ERC2: variants seen among roughly 807,000 people sequenced by gnomAD.
ERC2 encodes ERC protein 2.
A neutral mutation model predicts 114.8 loss-of-function variants in ERC2; 42 were observed. That is an observed-to-expected ratio of 0.37 (90% CI 0.29 to 0.47). The LOEUF is 0.47. Among genes scored for constraint, ERC2 ranks in the 20% least tolerant of loss-of-function variants. The probability of loss-of-function intolerance (pLI) is 0.99; values close to 1 mark genes in which losing one functional copy is unlikely to be tolerated. For missense variants in ERC2, 939 were observed against 1,150.7 expected, an observed-to-expected ratio of 0.82 and a Z score of 2.66; for synonymous variants, 454 against 425.5, an observed-to-expected ratio of 1.07 and a Z score of -0.82.
At chr3:55,946,784 A>C (rs1363171954) in intron 13 of ERC2, among the ~76,000 whole-genome samples, 5 of 152,220 alleles carry the variant, frequency 3.3e-5, no homozygotes, top group African/African-American at 1.2e-4. Flanking sequence ...GCTCCAAAAA[A>C]AATGATTTGA....
intron 3 of ERC2, among the ~76,000 whole-genome samples, chr3:56,217,088 G>C (rs1210399316): frequency 3.9e-5 from 6 of 152,178 alleles, no homozygotes; most frequent in Non-Finnish European, 5.9e-5. Flanking sequence ...GCACAAGACA[G>C]GGATGCCCTC....
At chr3:55,521,234 C>A (rs570967515) in intron 17 of ERC2, among the ~76,000 whole-genome samples, 2 of 152,178 alleles carry the variant, frequency 1.3e-5, no homozygotes, top group African/African-American at 4.8e-5. Flanking sequence ...TGGGTCCAGG[C>A]GAGACCTCCC....
intron 14 of ERC2, among the ~76,000 whole-genome samples, chr3:55,880,790 C>CAAA: frequency 8.0e-6 from 1 of 124,452 alleles, no homozygotes; most frequent in African/African-American, 2.8e-5. Flanking sequence ...AGTATTATAG[C>CAAA]AAAAAAAAAA....
At chr3:55,841,789 C>T (rs1575803049) in intron 14 of ERC2, among the ~76,000 whole-genome samples, 1 of 152,214 alleles carries the variant, frequency 6.6e-6, no homozygotes, top group Non-Finnish European at 1.5e-5. Context: ...TTAACAAAAA[C>T]ACCATGAGGA....
At chr3:55,698,732 C>A (rs964869192) in intron 16 of ERC2, among the ~76,000 whole-genome samples, 12 of 152,156 alleles carry the variant, frequency 7.9e-5, no homozygotes, top group Non-Finnish European at 1.3e-4. Context: ...CCATAAAATT[C>A]ACCTTCAAGA....
chr3:55,901,712 G>T (rs549654892), intron 13 of ERC2, among the ~76,000 whole-genome samples: 1 of 152,138 alleles, frequency 6.6e-6, no homozygotes, highest in Non-Finnish European at 1.5e-5. Context: ...GCTTAATCAC[G>T]TGAGTGACAT....
chr3:55,613,609 G>A (rs913474627), intron 17 of ERC2, among the ~76,000 whole-genome samples: 1 of 152,134 alleles, frequency 6.6e-6, no homozygotes, highest in African/African-American at 2.4e-5. Flanking sequence ...GGATTCTTAT[G>A]CCTTGCTTTT....
chr3:56,092,784 C>T (rs1019903781), intron 6 of ERC2, among the ~76,000 whole-genome samples: 27 of 152,120 alleles, frequency 1.8e-4, no homozygotes, highest in Admixed American at 3.3e-4. Context: ...TTTGCTATTA[C>T]GGAAAAAAAC....
chr3:56,148,450 T>C (rs779496579), intron 5 of ERC2, among the ~76,000 whole-genome samples: 1 of 152,154 alleles, frequency 6.6e-6, no homozygotes, highest in Non-Finnish European at 1.5e-5. Flanking sequence ...CATGCCTGGC[T>C]AATTTTTGTG....
In ERC2 at chr3:55,946,682, C is replaced by T. The variant is rs1168556143; in HGVS notation, c.2403+3743G>A. Among the ~76,000 whole-genome samples, 3 of 152,024 alleles carry T rather than the reference C, an allele frequency of 2.0e-5. No homozygotes were observed. In the East Asian group the frequency reaches 5.8e-4, roughly 29 times the overall value. On this transcript the variant is annotated intron_variant, in intron 13 of 17. Transcript: ENST00000288221. The stretch of plus-strand genomic sequence containing the variant: ...AGAGATTCTCTGCCATACTCAAGGC[C>T]CTAAGCTAATAATAATAAGGGCCAG...
At chr3:56,428,546 A>C in intron 2 of ERC2, among the ~76,000 whole-genome samples, 1 of 25,536 alleles carries the variant, frequency 3.9e-5, no homozygotes. Context: ...GCAGAAAGGA[A>C]GGAAGGAAGG....
chr3:55,867,881 T>A (rs2062399532), intron 14 of ERC2, among the ~76,000 whole-genome samples: 1 of 152,230 alleles, frequency 6.6e-6, no homozygotes, highest in Non-Finnish European at 1.5e-5. Context: ...TTATTTTGTA[T>A]AAGAATTATT....
intron 2 of ERC2, among the ~76,000 whole-genome samples, chr3:56,387,342 CAA>C (rs1419106166): frequency 6.6e-6 from 1 of 152,138 alleles, no homozygotes; most frequent in Non-Finnish European, 1.5e-5. Flanking sequence ...GCATAATCCT[CAA>C]GGATTCTCAT....
At chr3:56,417,732 A>C (rs1468157447) in intron 2 of ERC2, among the ~76,000 whole-genome samples, 1 of 152,258 alleles carries the variant, frequency 6.6e-6, no homozygotes, top group Admixed American at 6.5e-5. Context: ...CCACCATCAT[A>C]GAAAACAAAG....
intron 17 of ERC2, among the ~76,000 whole-genome samples, chr3:55,675,903 CTTTTTTTTTTTTTTTTTTTT>C (rs869296098): frequency 6.3e-5 from 3 of 47,998 alleles, no homozygotes; most frequent in African/African-American, 2.8e-4. Flanking sequence ...TCTTTTCTTT[CTTTTTTTTTTTTTTTTTTTT>C]TTTTTTTTTT....
intron 3 of ERC2, among the ~76,000 whole-genome samples, chr3:56,188,448 G>A (rs923487822): frequency 3.9e-5 from 6 of 152,146 alleles, no homozygotes; most frequent in East Asian, 1.9e-4. Flanking sequence ...ACACCCCCAC[G>A]GTCCAGATGG....
chr3:55,910,865 T>C (rs1378084793), intron 13 of ERC2, among the ~76,000 whole-genome samples: 1 of 152,190 alleles, frequency 6.6e-6, no homozygotes, highest in East Asian at 1.9e-4. Context: ...CTTTGTAACA[T>C]CTGTTGTAAG....
intron 17 of ERC2, among the ~76,000 whole-genome samples, chr3:55,629,177 G>A (rs1416679326): frequency 1.3e-5 from 2 of 152,102 alleles, no homozygotes; most frequent in African/African-American, 4.8e-5. Context: ...TGGGCCTCGC[G>A]GCTCACTTGG....
At chr3:55,906,114 T>C (rs934170920) in intron 13 of ERC2, among the ~76,000 whole-genome samples, 3 of 152,150 alleles carry the variant, frequency 2.0e-5, no homozygotes, top group Non-Finnish European at 2.9e-5. Context: ...ACTTAGTAAG[T>C]ACTCACCTGA....
Sources: gnomAD v4.1 joint callset for allele counts (sites outside exome capture counted in the v4.1 genomes callset) on GRCh38, gnomAD v4.1.1 for gene constraint, MANE v1.5 for transcripts, NCBI Gene and HGNC (gene_info 2026-07-23, HGNC 2026-07-21) for gene names.